GRID2: variants seen among roughly 807,000 people sequenced by gnomAD.
GRID2 encodes the protein glutamate receptor ionotropic, delta-2.
A neutral mutation model predicts 114.8 loss-of-function variants in GRID2; 33 were observed. The observed-to-expected ratio is 0.29, with a 90% CI of 0.22 to 0.38. The LOEUF (loss-of-function observed/expected upper bound fraction) is 0.38, where lower values mean the gene tolerates loss of function less well. Among genes scored for constraint, GRID2 ranks in the 10% least tolerant of loss-of-function variants. The pLI, the probability that GRID2 is intolerant of heterozygous loss-of-function variation, is 1.00. For synonymous variants in GRID2, 505 were observed against 449.9 expected (o/e 1.12, Z -1.55); for missense variants, 1,184 against 1,257.7 (o/e 0.94, Z 0.89).
intron 2 of GRID2, among the ~76,000 whole-genome samples, chr4:92,783,532 T>C (rs962813743): frequency 6.6e-6 from 1 of 152,138 alleles, no homozygotes; most frequent in Non-Finnish European, 1.5e-5. Context: ...TTTCTTTAGA[T>C]GTTTTGCTCT....
At chr4:93,723,385 A>G (rs1729562388) in intron 14 of GRID2, among the ~76,000 whole-genome samples, 1 of 152,250 alleles carries the variant, frequency 6.6e-6, no homozygotes, top group Non-Finnish European at 1.5e-5. Flanking sequence ...AAACAGCTGC[A>G]TTTTACAGAC....
At chr4:93,249,500 C>G (rs552968521) in intron 8 of GRID2, among the ~76,000 whole-genome samples, 1 of 152,214 alleles carries the variant, frequency 6.6e-6, no homozygotes, top group South Asian at 2.1e-4. Context: ...TTATTCCTAT[C>G]CATGAGCATG....
intron 1 of GRID2, among the ~76,000 whole-genome samples, chr4:92,462,551 G>GT (rs1041503945): frequency 6.6e-6 from 1 of 151,508 alleles, no homozygotes; most frequent in Non-Finnish European, 1.5e-5. Context: ...ATTTTTTGTT[G>GT]TTTTTGTTTT....
intron 13 of GRID2, among the ~76,000 whole-genome samples, chr4:93,591,234 A>G (rs1738256394): frequency 6.6e-6 from 1 of 151,608 alleles, no homozygotes; most frequent in Non-Finnish European, 1.5e-5. Context: ...TGTCCCATCA[A>G]TACCTAATTT....
At chr4:92,320,713 A>C (rs1317746837) in intron 1 of GRID2, among the ~76,000 whole-genome samples, 1 of 152,098 alleles carries the variant, frequency 6.6e-6, no homozygotes, top group East Asian at 1.9e-4. Flanking sequence ...CCTGACCTCA[A>C]GCGATCCACC....
At chr4:92,987,905 T>A (rs1231244239) in intron 2 of GRID2, among the ~76,000 whole-genome samples, 2 of 152,182 alleles carry the variant, frequency 1.3e-5, no homozygotes. Flanking sequence ...ATAGATGTTA[T>A]GTTTTGTGCT....
At chr4:93,694,015 A>T (rs1726796767) in intron 14 of GRID2, among the ~76,000 whole-genome samples, 1 of 152,202 alleles carries the variant, frequency 6.6e-6, no homozygotes, top group Admixed American at 6.5e-5. Flanking sequence ...AGAGAGACAC[A>T]TGAAGCACTG....
chr4:93,340,275 A>C (rs2149245044), intron 8 of GRID2, among the ~76,000 whole-genome samples: 1 of 147,322 alleles, frequency 6.8e-6, no homozygotes, highest in African/African-American at 2.5e-5. Flanking sequence ...CTGTAGAAAA[A>C]TGTTGAAGCT....
chr4:92,795,523 A>G (rs946914292), intron 2 of GRID2, among the ~76,000 whole-genome samples: 3 of 151,936 alleles, frequency 2.0e-5, no homozygotes, highest in Non-Finnish European at 4.4e-5. Context: ...TAATGGAGAG[A>G]GGCAGGCACA....
At chr4:93,283,538 T>TA (rs1214005167) in intron 8 of GRID2, among the ~76,000 whole-genome samples, 2 of 152,044 alleles carry the variant, frequency 1.3e-5, no homozygotes, top group Non-Finnish European at 2.9e-5. Context: ...AATGTGTATT[T>TA]AAAAAATGCC....
At chr4:92,623,294 A>T (rs1347424200) in intron 2 of GRID2, among the ~76,000 whole-genome samples, 1 of 151,564 alleles carries the variant, frequency 6.6e-6, no homozygotes, top group Admixed American at 6.6e-5. Flanking sequence ...CTATAAATAA[A>T]TAAATCTTAG....
chr4:93,407,571 G>T (rs1766579586), intron 9 of GRID2, among the ~76,000 whole-genome samples: 1 of 152,170 alleles, frequency 6.6e-6, no homozygotes, highest in African/African-American at 2.4e-5. Flanking sequence ...GCTTGAAACT[G>T]AATATGTGAT....
At chr4:92,439,811 T>C (rs1308539355) in intron 1 of GRID2, among the ~76,000 whole-genome samples, 1 of 146,110 alleles carries the variant, frequency 6.8e-6, no homozygotes, top group Non-Finnish European at 1.5e-5. Context: ...ATTTATTTAC[T>C]TCAAGAGTTA....
chr4:92,836,076 G>A (rs748088925), intron 2 of GRID2, among the ~76,000 whole-genome samples: 19 of 152,044 alleles, frequency 1.2e-4, no homozygotes, highest in Admixed American at 3.3e-4. Context: ...TCTTCTTTTT[G>A]TAAATAGCTT....
At chr4:92,855,583 T>C (rs1472061315) in intron 2 of GRID2, among the ~76,000 whole-genome samples, 1 of 151,988 alleles carries the variant, frequency 6.6e-6, no homozygotes, top group Admixed American at 6.6e-5. Context: ...AAAATTCATA[T>C]TCCAATATTG....
At chr4:93,004,014 C>A (rs1445692140) in intron 2 of GRID2, among the ~76,000 whole-genome samples, 1 of 151,822 alleles carries the variant, frequency 6.6e-6, no homozygotes, top group Non-Finnish European at 1.5e-5. Context: ...CTATTGATAT[C>A]TTTGCTAAGG....
intron 1 of GRID2, among the ~76,000 whole-genome samples, chr4:92,490,846 T>G (rs1440717328): frequency 6.6e-6 from 1 of 152,086 alleles, no homozygotes; most frequent in African/African-American, 2.4e-5. Flanking sequence ...GAAACAAATT[T>G]AAAATACCAA....
At chr4:93,419,860 G>A (rs1768090336) in intron 9 of GRID2, among the ~76,000 whole-genome samples, 1 of 152,050 alleles carries the variant, frequency 6.6e-6, no homozygotes, top group South Asian at 2.1e-4. Flanking sequence ...AATTGGTCTA[G>A]CTAGTTATGA....
chr4:92,467,674 C>T (rs1282651850), intron 1 of GRID2, among the ~76,000 whole-genome samples: 1 of 151,942 alleles, frequency 6.6e-6, no homozygotes, highest in African/African-American at 2.4e-5. Flanking sequence ...AGCATCTCTT[C>T]TCTTAATTTT....
Sources: gnomAD v4.1 joint callset for allele counts (sites outside exome capture counted in the v4.1 genomes callset) on GRCh38, gnomAD v4.1.1 for gene constraint, MANE v1.5 for transcripts, NCBI Gene and HGNC (gene_info 2026-07-23, HGNC 2026-07-21) for gene names.